The following TCF4 variants were observed in gnomAD, a reference collection of about 807,000 sequenced individuals.
TCF4 encodes the protein transcription factor 4.
Under a neutral mutation model 82.1 loss-of-function variants are expected in TCF4, and 3 were observed. The observed-to-expected ratio is 0.04, with a 90% CI of 0.02 to 0.09. The LOEUF (loss-of-function observed/expected upper bound fraction) is 0.09. TCF4 is among the 10% of genes least tolerant of loss of function. The probability of loss-of-function intolerance (pLI) is 1.00; values close to 1 mark genes in which losing one functional copy is unlikely to be tolerated. For synonymous variants in TCF4, 276 were observed against 309.6 expected, an observed-to-expected ratio of 0.89 and a Z score of 1.14; for missense variants, 518 against 852.7, an observed-to-expected ratio of 0.61 and a Z score of 4.89.
chr18:55,419,671 A>T (rs895403070), intron 5 of TCF4, among the ~76,000 whole-genome samples: 1 of 152,144 alleles, frequency 6.6e-6, no homozygotes, highest in Non-Finnish European at 1.5e-5. Context: ...TCCTAATCCT[A>T]AGTGGATTCT....
At chr18:55,494,150 T>G (rs2096604954) in intron 3 of TCF4, among the ~76,000 whole-genome samples, 1 of 91,438 alleles carries the variant, frequency 1.1e-5, no homozygotes, top group African/African-American at 3.7e-5. Flanking sequence ...GTGATTGAAA[T>G]ATTATGGACA....
intron 8 of TCF4, among the ~76,000 whole-genome samples, chr18:55,338,738 C>T (rs1030335242): frequency 1.3e-5 from 2 of 152,102 alleles, no homozygotes; most frequent in South Asian, 2.1e-4. Flanking sequence ...GCTAAATGTA[C>T]GGAATCTGAC....
chr18:55,364,331 T>C (rs2086262495), intron 6 of TCF4, among the ~76,000 whole-genome samples: 1 of 152,172 alleles, frequency 6.6e-6, no homozygotes. Context: ...ATATATAAAA[T>C]AATGTGGTAA....
At chr18:55,493,642 T>C (rs988629358) in intron 3 of TCF4, among the ~76,000 whole-genome samples, 4 of 152,210 alleles carry the variant, frequency 2.6e-5, no homozygotes, top group Non-Finnish European at 4.4e-5. Flanking sequence ...GGAAAGTTAA[T>C]TTATAAATTA....
Position 55,588,063 on chromosome 18 carries a change from C to G in TCF4, c.-46G>C. The G allele has an allele frequency of 1.0e-6, 1 of 990,540 alleles. No homozygotes were observed. Among genetic ancestry groups the G allele is most frequent in the South Asian group, 4.5e-5 (1 of 22,286 alleles). 61.4% of individuals were successfully genotyped at this position (990,540 alleles called of 1,614,324 possible). Reference sequence around the variant, plus strand: ...CGCCCGCGCGCGAGAAGGGGCTCTCCGTGCACCGCCGGCGCCGAGGCGGCG... The same window carrying G: ...CGCCCGCGCGCGAGAAGGGGCTCTCGGTGCACCGCCGGCGCCGAGGCGGCG... On this transcript the variant is annotated 5_prime_UTR_variant, in exon 1 of 20. Transcript: ENST00000354452.
chr18:55,325,549 A>G lies in TCF4; in HGVS notation c.549+24810T>C, dbSNP rs368906074. 1.2e-4 allele frequency among the ~76,000 whole-genome samples: 18 copies of G among 152,350 alleles called. No homozygotes were observed. In the South Asian group the frequency reaches 3.1e-3, roughly 26 times the overall value. On this transcript the variant is annotated intron_variant, in intron 8 of 19. Coordinates refer to ENST00000354452, the MANE Select transcript of TCF4 (RefSeq NM_001083962.2). ...ATTGCAGTGTAAGGCAGGCAACTCA[A>G]CAAATAGAAGCTGAATAAATGAATG...
chr18:55,439,925 T>C (rs984937429), intron 5 of TCF4, among the ~76,000 whole-genome samples: 2 of 152,176 alleles, frequency 1.3e-5, no homozygotes, highest in Non-Finnish European at 2.9e-5. Flanking sequence ...GGTTTCACCA[T>C]GTTGGCCAGG....
chr18:55,473,806 C>A (rs2096236202), intron 3 of TCF4, among the ~76,000 whole-genome samples: 1 of 152,312 alleles, frequency 6.6e-6, no homozygotes, highest in Admixed American at 6.5e-5. Flanking sequence ...TGACATAACA[C>A]AGGAACTTAA....
rs2097671432 is a variant in TCF4, at chr18:55,588,173, C to G, written c.-156G>C. On this transcript the variant is annotated 5_prime_UTR_variant, in exon 1 of 20. Transcript: ENST00000354452. ...GCTGCCTCCCCGCCGCCGCCGCCGCCGCCGCCACTACAGATCCGCAGACAC... is the reference window on the plus strand; with the variant it reads ...GCTGCCTCCCCGCCGCCGCCGCCGCGGCCGCCACTACAGATCCGCAGACAC... 31 of 1,130,308 alleles carry G rather than the reference C, an allele frequency of 2.7e-5. No individual in the cohort carries two copies. Among genetic ancestry groups the G allele is most frequent in the Non-Finnish European group, 3.3e-5 (31 of 928,836 alleles). The allele number at this position is 1,130,308 out of a possible 1,614,324, so 70.0% of individuals were successfully genotyped here.
At chr18:55,428,640 T>C (rs2095076252) in intron 5 of TCF4, among the ~76,000 whole-genome samples, 1 of 152,266 alleles carries the variant, frequency 6.6e-6, no homozygotes, top group Non-Finnish European at 1.5e-5. Context: ...CTCTGCTAGA[T>C]GCATGCATCT....
intron 5 of TCF4, among the ~76,000 whole-genome samples, chr18:55,407,701 T>A (rs922676187): frequency 6.6e-6 from 1 of 152,222 alleles, no homozygotes; most frequent in Middle Eastern, 3.4e-3. Context: ...AACAATCTTT[T>A]ATCTTGCTGT....
At chr18:55,577,733 A>G (rs777589682) in intron 3 of TCF4, among the ~76,000 whole-genome samples, 6 of 152,122 alleles carry the variant, frequency 3.9e-5, no homozygotes, top group Non-Finnish European at 8.8e-5. Context: ...CCCCAAAAGA[A>G]TGTTTAAATG....
intron 5 of TCF4, among the ~76,000 whole-genome samples, chr18:55,451,431 T>A (rs528154269): frequency 1.3e-5 from 2 of 152,142 alleles, no homozygotes; most frequent in African/African-American, 4.8e-5. Flanking sequence ...CCATCACCCA[T>A]CACTAGGAAG....
intron 3 of TCF4, among the ~76,000 whole-genome samples, chr18:55,572,195 C>G (rs2097479995): frequency 6.6e-6 from 1 of 152,210 alleles, no homozygotes; most frequent in Admixed American, 6.5e-5. Context: ...CTCTCACTAA[C>G]TGACACAGAT....
intron 8 of TCF4, among the ~76,000 whole-genome samples, chr18:55,343,540 C>T (rs1382854493): frequency 1.3e-5 from 2 of 152,216 alleles, no homozygotes; most frequent in East Asian, 3.9e-4. Flanking sequence ...ATACAACTTG[C>T]ACATTCTTTC....
rs1568465567 is a variant in TCF4, at chr18:55,586,155, GC to G, written c.73-804del. Reference sequence around the variant, plus strand: ...AGGAGAAGGAGGAGGAGGAGGAGGAGCAGCAGCAGCAGCAGCAGCAGCAGCA... The same window carrying G: ...AGGAGAAGGAGGAGGAGGAGGAGGAGAGCAGCAGCAGCAGCAGCAGCAGCA... On this transcript the variant is annotated intron_variant, in intron 2 of 19. Coordinates refer to ENST00000354452, the MANE Select transcript of TCF4 (RefSeq NM_001083962.2). 1.6e-3 allele frequency: 141 copies of G among 90,296 alleles called. 3 individuals carry two copies. In the African/African-American group the frequency reaches 0.025, roughly 16 times the overall value. 5.6% of individuals were successfully genotyped at this position (90,296 alleles called of 1,614,324 possible).
At chr18:55,471,474 G>A (rs559147816) in intron 3 of TCF4, among the ~76,000 whole-genome samples, 42 of 152,288 alleles carry the variant, frequency 2.8e-4, no homozygotes, top group African/African-American at 8.7e-4. Flanking sequence ...GCCGAGGCAG[G>A]TGGATTATGA....
At chr18:55,248,634 A>C (rs1465618947) in intron 15 of TCF4, among the ~76,000 whole-genome samples, 1 of 152,228 alleles carries the variant, frequency 6.6e-6, no homozygotes, top group Non-Finnish European at 1.5e-5. Context: ...AATGGTTTCT[A>C]ATTTCTACCA....
intron 3 of TCF4, chr18:55,510,458 C>G: frequency 1.4e-6 from 1 of 697,812 alleles, no homozygotes; most frequent in Non-Finnish European, 2.1e-6. Context: ...ACCTAGAAGC[C>G]TTTGTAAAAA....
Sources: gnomAD v4.1 joint callset for allele counts (sites outside exome capture counted in the v4.1 genomes callset) on GRCh38, gnomAD v4.1.1 for gene constraint, MANE v1.5 for transcripts, NCBI Gene and HGNC (gene_info 2026-07-23, HGNC 2026-07-21) for gene names.